Variants in CSPP1 observed in about 807,000 individuals in gnomAD.
CSPP1 encodes the protein centrosome and spindle pole-associated protein 1.
A neutral mutation model predicts 164.4 loss-of-function variants in CSPP1; 126 were observed. That is an observed-to-expected ratio of 0.77 (90% CI 0.66 to 0.89). CSPP1 has a LOEUF of 0.89. CSPP1 is among the 40% of genes least tolerant of loss of function. CSPP1 has a pLI of 0.00. For missense variants in CSPP1, 1,395 were observed against 1,449.8 expected (o/e 0.96, Z 0.61); for synonymous variants, 472 against 476.7 (o/e 0.99, Z 0.13).
intron 26 of CSPP1, among the ~76,000 whole-genome samples, chr8:67,177,212 T>C (rs1040330222): frequency 2.0e-4 from 30 of 152,072 alleles, no homozygotes; most frequent in Non-Finnish European, 4.0e-4. Context: ...GGGCAAAATG[T>C]ACTATTCACA....
chr8:67,111,918 A>G, intron 9 of CSPP1, 54 bp from the exon 10 acceptor site: 1 of 1,083,056 alleles, frequency 9.2e-7, no homozygotes, highest in Non-Finnish European at 1.4e-6. Context: ...TAACTTTCTA[A>G]TTGCATACGA....
chr8:67,099,869 T>A (rs868126457), intron 7 of CSPP1, among the ~76,000 whole-genome samples: 20 of 152,152 alleles, frequency 1.3e-4, no homozygotes, highest in African/African-American at 4.6e-4. Context: ...ATAGTTTGTC[T>A]TTTCAGCTTA....
intron 9 of CSPP1, among the ~76,000 whole-genome samples, chr8:67,110,414 A>C (rs1404645577): frequency 6.6e-6 from 1 of 151,900 alleles, no homozygotes; most frequent in East Asian, 1.9e-4. Context: ...AGAGACCACC[A>C]AGAACATAGC....
At chr8:67,141,432 A>G (rs926431851) in intron 17 of CSPP1, among the ~76,000 whole-genome samples, 5 of 152,250 alleles carry the variant, frequency 3.3e-5, no homozygotes, top group African/African-American at 1.2e-4. Flanking sequence ...TTTATCAAAT[A>G]CAGTATAACT....
chr8:67,187,260 A>G (rs1279965907), intron 28 of CSPP1, among the ~76,000 whole-genome samples: 4 of 152,234 alleles, frequency 2.6e-5, no homozygotes, highest in African/African-American at 9.6e-5. Context: ...CAGAATAGCC[A>G]GCACAATGTT....
chr8:67,081,833 C>T (rs1211901011), intron 3 of CSPP1, among the ~76,000 whole-genome samples: 1 of 152,158 alleles, frequency 6.6e-6, no homozygotes, highest in Non-Finnish European at 1.5e-5. Flanking sequence ...CAGCTTAAAA[C>T]TCCTGGGCTC....
At chr8:67,070,722 AAT>A (rs150664487) in intron 1 of CSPP1, among the ~76,000 whole-genome samples, 16,101 of 144,776 alleles carry the variant, frequency 0.11, 1,576 homozygotes, top group African/African-American at 0.27. Context: ...TATATATGTA[AAT>A]ATATATATAT....
At position 67,154,147 on chromosome 8, in the gene CSPP1, A is replaced by G; in HGVS notation, c.2241+11A>G. 8.1e-7 allele frequency: 1 copy of G among 1,231,334 alleles called. No individual in the cohort carries two copies. The highest frequency in any genetic ancestry group is 1.2e-6 in the Non-Finnish European group (1 of 835,376). The allele number at this position is 1,231,334 out of a possible 1,614,324, so 76.3% of individuals were successfully genotyped here. ...TTTCTTCGTTTCCAGGTGAAATGCTATTTGATCAGTTTCAAAGTTTCATGA... is the reference window on the plus strand; with the variant it reads ...TTTCTTCGTTTCCAGGTGAAATGCTGTTTGATCAGTTTCAAAGTTTCATGA... On this transcript the variant is annotated intron_variant, in intron 19 of 30. Coordinates refer to ENST00000678616, the MANE Select transcript of CSPP1 (RefSeq NM_001382391.1).
Position 67,095,298 on chromosome 8 carries a change from G to A in CSPP1, c.489G>A (p.Lys163=), listed in dbSNP as rs1479574918. The A allele has an allele frequency of 4.5e-6, 7 of 1,558,522 alleles. No individual in the cohort carries two copies. The highest frequency in any genetic ancestry group is 6.0e-6 in the Non-Finnish European group (7 of 1,159,432). The change falls in exon 7 of 31, where the codon AAG becomes AAA. Residue 163 remains lysine, a synonymous_variant. Coordinates refer to ENST00000678616, the MANE Select transcript of CSPP1 (RefSeq NM_001382391.1). ...TTTCTTTTTTAATTGAACAGCCCAA[G>A]AGTCAGAGAAATAAAAAACCTATTG... ...FRQVEKSTEP[K]SQRNKKPIGQ...
At chr8:67,113,916 A>C in intron 11 of CSPP1, 54 bp downstream of exon 11, 1 of 1,050,248 alleles carries the variant, frequency 9.5e-7, no homozygotes, top group Non-Finnish European at 1.5e-6. Context: ...TGATCCTCAA[A>C]TGTGGTGGCA....
At chr8:67,159,930 C>CTTTCCTTTCCT (rs1353764851) in intron 21 of CSPP1, among the ~76,000 whole-genome samples, 2 of 41,766 alleles carry the variant, frequency 4.8e-5, no homozygotes, top group Non-Finnish European at 9.0e-5. Flanking sequence ...CTTTCCTTTC[C>CTTTCCTTTCCT]TTCCTTCCTT....
chr8:67,166,003 T>A (rs1050430058), intron 24 of CSPP1, among the ~76,000 whole-genome samples: 3 of 152,238 alleles, frequency 2.0e-5, no homozygotes, highest in Non-Finnish European at 4.4e-5. Context: ...ATCTCATGTA[T>A]ATTTATCATA....
intron 15 of CSPP1, among the ~76,000 whole-genome samples, chr8:67,125,106 C>T (rs1819803262): frequency 6.6e-6 from 1 of 152,102 alleles, no homozygotes; most frequent in Non-Finnish European, 1.5e-5. Context: ...CAGTTGCTGT[C>T]AAGTGTTCTT....
At chr8:67,189,842 A>G (rs2129574978) in intron 28 of CSPP1, among the ~76,000 whole-genome samples, 2 of 152,326 alleles carry the variant, frequency 1.3e-5, no homozygotes, top group Middle Eastern at 6.8e-3. Flanking sequence ...TTCTTTAGGT[A>G]TAATTTTTTT....
At chr8:67,097,070 T>C (rs1812955442) in intron 7 of CSPP1, among the ~76,000 whole-genome samples, 5 of 152,190 alleles carry the variant, frequency 3.3e-5, no homozygotes, top group Admixed American at 3.3e-4. Context: ...TTATCATACA[T>C]TGATACTTGC....
At position 67,152,045 on chromosome 8, in the gene CSPP1, G is replaced by A. The variant is rs1825798282; in HGVS notation, c.2129-1979G>A. Among the ~76,000 whole-genome samples the A allele has an allele frequency of 2.9e-5, 4 of 139,816 alleles. No homozygotes were observed. In the South Asian group the frequency reaches 8.8e-4, roughly 31 times the overall value. 91.7% of individuals were successfully genotyped at this position (139,816 alleles called of 152,430 possible). A position where few individuals can be genotyped will look rare whatever the true frequency, so the allele number is the denominator to read the frequency against. ...GGAGGTTGCAGTGAGCTGAGATCAC[G>A]CCACTGCACTCCAGCCTGGTGACAG... On this transcript the variant is annotated intron_variant, in intron 18 of 30. Coordinates refer to ENST00000678616, the MANE Select transcript of CSPP1 (RefSeq NM_001382391.1).
Position 67,175,402 on chromosome 8 carries a change from G to T in CSPP1, c.3075G>T (p.Arg1025Ser). ...CCCTGCTAAGAGAGCAGCAGAAGAG[G>T]CTGAACAGAATAAAAATGCAGGAAG... ...QQALLREQQK[R>S]LNRIKMQEGA... Residue 1025 changes from arginine to serine, a missense_variant, in exon 26 of 31, where the codon AGG (arginine) becomes AGT (serine). Coordinates refer to ENST00000678616, the MANE Select transcript of CSPP1 (RefSeq NM_001382391.1). 1 of 1,614,198 alleles carries T rather than the reference G, an allele frequency of 6.2e-7. No individual in the cohort carries two copies. Among genetic ancestry groups the T allele is most frequent in the Non-Finnish European group, 8.5e-7 (1 of 1,180,026 alleles).
At chr8:67,111,269 C>T (rs1816783372) in intron 9 of CSPP1, among the ~76,000 whole-genome samples, 1 of 152,056 alleles carries the variant, frequency 6.6e-6, no homozygotes, top group South Asian at 2.1e-4. Flanking sequence ...ATAAGGAATA[C>T]CAAGGTGAGA....
chr8:67,159,923 TC>T lies in CSPP1; in HGVS notation c.2538+788del, dbSNP rs1477294640. ...TTCTTTCTTTCTTTCTTTCTTTCTT[TC>T]CTTTCCTTCCTTCCTTCCTTCCTTC... is the stretch of plus-strand genomic sequence containing the variant. On this transcript the variant is annotated intron_variant, in intron 21 of 30. Transcript: ENST00000678616. 4.5e-3 allele frequency among the ~76,000 whole-genome samples: 306 copies of T among 67,722 alleles called. 4 individuals carry two copies. The highest frequency in any genetic ancestry group is 5.5e-3 in the Admixed American group (35 of 6,378). 44.4% of individuals were successfully genotyped at this position (67,722 alleles called of 152,430 possible). A position where few individuals can be genotyped will look rare whatever the true frequency, so the allele number is the denominator to read the frequency against.
Sources: gnomAD v4.1 joint callset for allele counts (sites outside exome capture counted in the v4.1 genomes callset) on GRCh38, gnomAD v4.1.1 for gene constraint, MANE v1.5 for transcripts, NCBI Gene and HGNC (gene_info 2026-07-23, HGNC 2026-07-21) for gene names.